Variants in ST7 observed in about 807,000 individuals in gnomAD.
The protein encoded by ST7 is suppression of tumorigenicity 7.
A neutral mutation model predicts 78.7 loss-of-function variants in ST7; 28 were observed. The ratio of observed to expected loss-of-function variants is 0.36; its 90% CI spans 0.26 to 0.49. ST7 has a LOEUF of 0.49. Ranked by LOEUF, ST7 falls within the 20% of genes least tolerant of loss-of-function variation. ST7 has a pLI of 0.99. For missense variants in ST7, 418 were observed against 696.0 expected (o/e 0.60, Z 4.49); for synonymous variants, 247 against 249.6 (o/e 0.99, Z 0.10).
intron 9 of ST7, among the ~76,000 whole-genome samples, chr7:117,155,005 C>T (rs1043908932): frequency 6.6e-6 from 1 of 151,950 alleles, no homozygotes; most frequent in African/African-American, 2.4e-5. Flanking sequence ...AACATCCCTA[C>T]CAGCATGGGG....
At chr7:117,129,323 T>G (rs1804140273) in intron 3 of ST7, among the ~76,000 whole-genome samples, 2 of 151,926 alleles carry the variant, frequency 1.3e-5, no homozygotes, top group Admixed American at 6.6e-5. Context: ...TATCATAAAA[T>G]CACTGTTAGC....
At chr7:117,086,939 C>G (rs2116656192) in intron 1 of ST7, among the ~76,000 whole-genome samples, 1 of 152,282 alleles carries the variant, frequency 6.6e-6, no homozygotes, top group Middle Eastern at 3.4e-3. Flanking sequence ...CAGCTGAATA[C>G]TAAAATAGTG....
chr7:117,192,079 T>C (rs1809833874), intron 12 of ST7, among the ~76,000 whole-genome samples: 1 of 152,246 alleles, frequency 6.6e-6, no homozygotes, highest in African/African-American at 2.4e-5. Flanking sequence ...TAATGGGTAA[T>C]GACCAACATA....
At chr7:116,964,255 T>C (rs527282028) in intron 1 of ST7, among the ~76,000 whole-genome samples, 1 of 152,380 alleles carries the variant, frequency 6.6e-6, no homozygotes, top group East Asian at 1.9e-4. Context: ...GTAGAATGCT[T>C]ACAGTTCTCT....
chr7:117,059,587 G>T (rs532895807), intron 1 of ST7, among the ~76,000 whole-genome samples: 8 of 151,958 alleles, frequency 5.3e-5, no homozygotes, highest in Non-Finnish European at 1.2e-4. Context: ...ATCTAAACTT[G>T]TTCTGGAGTT....
chr7:117,072,591 C>G (rs1025338278), intron 1 of ST7: 2 of 152,150 alleles, frequency 1.3e-5, no homozygotes, highest in African/African-American at 4.8e-5. Context: ...TCTTTACTGT[C>G]TTTTCTGAGA....
intron 6 of ST7, 75 bp from the exon 7 acceptor site, chr7:117,134,049 G>A (rs1372118124): frequency 4.1e-5 from 65 of 1,578,834 alleles, no homozygotes; most frequent in Non-Finnish European, 5.4e-5. Flanking sequence ...CCTGAACTCC[G>A]AAATGACATA....
chr7:117,131,967 G>T lies in ST7; in HGVS notation c.641+7G>T. 1 of 1,610,376 alleles carries T rather than the reference G, an allele frequency of 6.2e-7. No homozygotes were observed. On this transcript the variant is annotated splice_region_variant and intron_variant, in intron 6 of 15. Coordinates refer to ENST00000323984, the MANE Select transcript of ST7 (RefSeq NM_001369598.1). ...AAGCCTTGGAGATAAATGAGTAAGT[G>T]GGGGAAAATCTTGCTGTTAAAAAGG...
intron 1 of ST7, among the ~76,000 whole-genome samples, chr7:117,050,732 C>G (rs971857471): frequency 2.6e-5 from 4 of 152,004 alleles, no homozygotes; most frequent in Admixed American, 1.3e-4. Flanking sequence ...AGATCTAGAC[C>G]ACCCTGGCCA....
chr7:117,164,632 C>G (rs1312931058), intron 9 of ST7, among the ~76,000 whole-genome samples: 2 of 152,174 alleles, frequency 1.3e-5, no homozygotes, highest in Non-Finnish European at 2.9e-5. Flanking sequence ...CTCTGCAATA[C>G]AGCTATCTTC....
chr7:117,129,865 T>G lies in ST7; in HGVS notation c.449+18T>G. The G allele has an allele frequency of 5.0e-6, 8 of 1,604,702 alleles. No homozygotes were observed. Among genetic ancestry groups the G allele is most frequent in the Non-Finnish European group, 6.8e-6 (8 of 1,174,916 alleles). On this transcript the variant is annotated intron_variant, in intron 4 of 15. Coordinates refer to ENST00000323984, the MANE Select transcript of ST7 (RefSeq NM_001369598.1). ...TACAATCGGTAAGCATTTTGACAGC[T>G]TGGGAAACAAATGGGTCTGGTTCAG...
chr7:117,223,846 C>T (rs906753409), intron 15 of ST7: 20 of 610,266 alleles, frequency 3.3e-5, no homozygotes, highest in Non-Finnish European at 1.4e-5. Flanking sequence ...TCTGTATCCC[C>T]AAGGCTTTGC....
intron 9 of ST7, among the ~76,000 whole-genome samples, chr7:117,148,555 T>C (rs1004353214): frequency 5.9e-5 from 9 of 152,340 alleles, no homozygotes; most frequent in Middle Eastern, 3.4e-3. Context: ...TTTCATGTTT[T>C]CTATGTCGTA....
chr7:117,154,646 CAG>C (rs1806549994), intron 9 of ST7, among the ~76,000 whole-genome samples: 1 of 152,154 alleles, frequency 6.6e-6, no homozygotes, highest in Non-Finnish European at 1.5e-5. Context: ...AAGAAGTCAG[CAG>C]AGAGGTAAAT....
rs1158530637 is a variant in ST7, at chr7:117,108,002, T to C, written c.234+8158T>C. On this transcript the variant is annotated intron_variant, in intron 2 of 15. Transcript: ENST00000323984. The stretch of plus-strand genomic sequence containing the variant: ...TTCAGGATATTAGTCCTTTGTCAGA[T>C]GTGTAGATTATGAAGATTTTCTGCC... Among the ~76,000 whole-genome samples the C allele has an allele frequency of 2.0e-5, 3 of 152,310 alleles. No individual in the cohort carries two copies. The East Asian group carries it at 5.8e-4, about 29-fold the overall frequency.
chr7:117,110,584 ACT>A, intron 2 of ST7, among the ~76,000 whole-genome samples: 1 of 152,164 alleles, frequency 6.6e-6, no homozygotes. Context: ...GGCAGCCTGC[ACT>A]CTGTCACTCA....
chr7:117,050,595 C>A (rs1797732396), intron 1 of ST7, among the ~76,000 whole-genome samples: 1 of 151,996 alleles, frequency 6.6e-6, no homozygotes, highest in Non-Finnish European at 1.5e-5. Context: ...TAATAGACTA[C>A]CGTCTCTATA....
chr7:117,193,549 A>G (rs568890235), intron 12 of ST7, among the ~76,000 whole-genome samples: 3 of 152,322 alleles, frequency 2.0e-5, no homozygotes, highest in South Asian at 2.1e-4. Context: ...GCCAGAACCA[A>G]TTCTGGGTTA....
intron 3 of ST7, among the ~76,000 whole-genome samples, chr7:117,123,346 G>A (rs529526452): frequency 6.6e-6 from 1 of 152,266 alleles, no homozygotes; most frequent in Non-Finnish European, 1.5e-5. Context: ...AGTGAGGAGT[G>A]AGAAAGGTTG....
Sources: allele counts gnomAD v4.1 joint callset (sites outside exome capture counted in the v4.1 genomes callset), GRCh38; gene constraint gnomAD v4.1.1; transcripts MANE v1.5; gene names NCBI Gene and HGNC (gene_info 2026-07-23, HGNC 2026-07-21).